The following BAZ2B variants were observed in gnomAD, a reference collection of about 807,000 sequenced individuals.
BAZ2B encodes the protein bromodomain adjacent to zinc finger domain protein 2B.
In BAZ2B, 91 loss-of-function variants were observed where a neutral mutation model predicts 246.0. That is an observed-to-expected ratio of 0.37 (90% CI 0.31 to 0.44). The LOEUF (loss-of-function observed/expected upper bound fraction) is 0.44. BAZ2B is among the 20% of genes least tolerant of loss of function. BAZ2B has a pLI of 1.00. For synonymous variants in BAZ2B, 855 were observed against 860.0 expected (o/e 0.99, Z 0.10); for missense variants, 2,332 against 2,533.7 (o/e 0.92, Z 1.71).
At chr2:159,462,458 C>A in intron 3 of BAZ2B, 1 of 1,185,436 alleles carries the variant, frequency 8.4e-7, no homozygotes, top group South Asian at 1.2e-5. Context: ...AATTTTGGTG[C>A]GGGTAACCGG....
the BAZ2B span, among the ~76,000 whole-genome samples, chr2:159,635,688 T>C: frequency 1.3e-5 from 2 of 152,108 alleles, no homozygotes; most frequent in Non-Finnish European, 2.9e-5. Flanking sequence ...TTAGGTATCA[T>C]AGGAGGACAT....
chr2:159,377,899 G>C (rs1255425188), intron 25 of BAZ2B, among the ~76,000 whole-genome samples: 1 of 151,558 alleles, frequency 6.6e-6, no homozygotes. Flanking sequence ...AATAGTCTAT[G>C]TGTAAAGAAT....
At chr2:159,701,058 T>C in the BAZ2B span, among the ~76,000 whole-genome samples, 5 of 152,164 alleles carry the variant, frequency 3.3e-5, no homozygotes, top group Non-Finnish European at 5.9e-5. Context: ...TAAAGAAAAA[T>C]ATTACAAAAC....
chr2:159,356,932 C>T (rs1453457390), intron 27 of BAZ2B, among the ~76,000 whole-genome samples: 10 of 152,106 alleles, frequency 6.6e-5, no homozygotes, highest in Admixed American at 6.5e-4. Flanking sequence ...GCATCAACAT[C>T]AACATAAAGG....
intron 27 of BAZ2B, among the ~76,000 whole-genome samples, chr2:159,369,865 T>C (rs1312114055): frequency 6.6e-6 from 1 of 152,192 alleles, no homozygotes; most frequent in East Asian, 1.9e-4. Flanking sequence ...ATGATTTATA[T>C]TCCGTTGGGT....
At chr2:159,601,428 GA>G (rs11379463) in intron 1 of BAZ2B, among the ~76,000 whole-genome samples, 4 of 146,322 alleles carry the variant, frequency 2.7e-5, no homozygotes, top group Admixed American at 6.8e-5. Flanking sequence ...TGTCTCAAAA[GA>G]AAAAAAAAAA....
chr2:159,523,981 T>A (rs1294722308), intron 2 of BAZ2B, among the ~76,000 whole-genome samples: 1 of 152,122 alleles, frequency 6.6e-6, no homozygotes, highest in Non-Finnish European at 1.5e-5. Flanking sequence ...TTTGTGGTAA[T>A]ATGAGGAATA....
At chr2:159,561,177 G>C (rs537346422) in intron 1 of BAZ2B, among the ~76,000 whole-genome samples, 1 of 152,246 alleles carries the variant, frequency 6.6e-6, no homozygotes, top group African/African-American at 2.4e-5. Context: ...AGGGTGTTTG[G>C]GTCATGGGGG....
the BAZ2B span, among the ~76,000 whole-genome samples, chr2:159,627,263 T>C: frequency 6.6e-6 from 1 of 151,838 alleles, no homozygotes; most frequent in East Asian, 1.9e-4. Context: ...TTGGTACCAT[T>C]CCTTCTGAAA....
the BAZ2B span, among the ~76,000 whole-genome samples, chr2:159,623,385 CA>C: frequency 6.6e-6 from 1 of 151,770 alleles, no homozygotes; most frequent in Non-Finnish European, 1.5e-5. Context: ...AAACAAAAAA[CA>C]AAAAACCACA....
At chr2:159,696,897 A>G in the BAZ2B span, among the ~76,000 whole-genome samples, 1 of 152,052 alleles carries the variant, frequency 6.6e-6, no homozygotes, top group Admixed American at 6.6e-5. Flanking sequence ...GTGACTCTCC[A>G]TGCCTCAGCC....
chr2:159,438,983 G>T, intron 7 of BAZ2B, 26 bp downstream of exon 7: 2 of 1,600,550 alleles, frequency 1.2e-6, no homozygotes, highest in South Asian at 2.2e-5. Flanking sequence ...ATAATGTTTG[G>T]ATACTGTCCA....
chr2:159,511,085 C>T (rs2082872846), intron 2 of BAZ2B, among the ~76,000 whole-genome samples: 1 of 152,138 alleles, frequency 6.6e-6, no homozygotes, highest in Admixed American at 6.5e-5. Context: ...CCCTCTATGT[C>T]TTCAAATCAT....
At chr2:159,449,408 A>G (rs12988336) in intron 4 of BAZ2B, among the ~76,000 whole-genome samples, 1 of 151,956 alleles carries the variant, frequency 6.6e-6, no homozygotes, top group South Asian at 2.1e-4. Context: ...GAGGAAAAAA[A>G]CCCACAACAA....
chr2:159,527,053 C>A (rs1291969520), intron 2 of BAZ2B, among the ~76,000 whole-genome samples: 1 of 151,968 alleles, frequency 6.6e-6, no homozygotes, highest in South Asian at 2.1e-4. Context: ...ATATCTTTGC[C>A]AGCAATTCAT....
chr2:159,433,214 A>G lies in BAZ2B; in HGVS notation c.1443T>C (p.Asn481=), dbSNP rs1316249468. The G allele has an allele frequency of 6.2e-7, 1 of 1,614,166 alleles. No homozygotes were observed. The highest frequency in any genetic ancestry group is 2.2e-5 in the East Asian group (1 of 44,882). Reference sequence around the variant, plus strand: ...CTAAAAGTGCATTTGTCAAGAATGGATTTGGGTGGTTGTTTTCTAATGTTT... The same window carrying G: ...CTAAAAGTGCATTTGTCAAGAATGGGTTTGGGTGGTTGTTTTCTAATGTTT... The part of the protein sequence containing the change: ...PKQTLENNHP[N]PFLTNALLGN... Residue 481 remains asparagine (N), a synonymous_variant, in exon 9 of 37, where the codon AAT becomes AAC. Transcript: ENST00000392783.
chr2:159,654,133 G>T, the BAZ2B span, among the ~76,000 whole-genome samples: 1 of 152,102 alleles, frequency 6.6e-6, no homozygotes, highest in African/African-American at 2.4e-5. Flanking sequence ...GGCAGGAAAA[G>T]AACTCAACTC....
the BAZ2B span, among the ~76,000 whole-genome samples, chr2:159,673,745 A>AC: frequency 6.6e-6 from 1 of 152,188 alleles, no homozygotes; most frequent in Non-Finnish European, 1.5e-5. Flanking sequence ...AATCAAACAA[A>AC]TCAAAACTAT....
chr2:159,358,431 C>A (rs908775656), intron 27 of BAZ2B, among the ~76,000 whole-genome samples: 3 of 152,146 alleles, frequency 2.0e-5, no homozygotes, highest in South Asian at 2.1e-4. Context: ...AATATGTATG[C>A]ACCCAATACA....
Sources: gnomAD v4.1 joint callset for allele counts (sites outside exome capture counted in the v4.1 genomes callset) on GRCh38, gnomAD v4.1.1 for gene constraint, MANE v1.5 for transcripts, NCBI Gene and HGNC (gene_info 2026-07-23, HGNC 2026-07-21) for gene names.